The following SPDYE16 variants were observed in gnomAD, a reference collection of about 807,000 sequenced individuals.
SPDYE16 encodes speedy protein E16.
In SPDYE16, 5 loss-of-function variants were observed where a neutral mutation model predicts 40.1. That is an observed-to-expected ratio of 0.12 (90% CI 0.07 to 0.26). The LOEUF is 0.26. Ranked by LOEUF, SPDYE16 falls within the 10% of genes least tolerant of loss-of-function variation. The pLI is 1.00. For synonymous variants in SPDYE16, 40 were observed against 154.2 expected (o/e 0.26, Z 5.49); for missense variants, 98 against 409.8 (o/e 0.24, Z 6.57).
chr7:76,541,981 CGTACAAGAGTGAGATTATCAT>C (rs1584290195), intron 1 of SPDYE16, among the ~76,000 whole-genome samples, 101 bp from the exon 2 acceptor site: 1,608 of 69,466 alleles, frequency 0.023, no homozygotes, highest in African/African-American at 0.043. Flanking sequence ...GAGATTATCA[CGTACAAGAGTGAGATTATCAT>C]GTACAAGAGT....
chr7:76,537,140 T>A, intron 5 of SPDYE16, among the ~76,000 whole-genome samples: 1 of 40,186 alleles, frequency 2.5e-5, no homozygotes, highest in Admixed American at 2.5e-4. Flanking sequence ...TGAGGTCAGG[T>A]GTTCAGGACC....
Position 76,543,202 on chromosome 7 carries a change from C to G in SPDYE16, c.-448G>C, listed in dbSNP as rs1274642471. Among the ~76,000 whole-genome samples, 327 of 147,948 alleles carry G rather than the reference C, an allele frequency of 2.2e-3. No individual in the cohort carries two copies. Among genetic ancestry groups the G allele is most frequent in the Non-Finnish European group, 3.9e-3 (256 of 65,546 alleles). On this transcript the variant is annotated 5_prime_UTR_variant, in exon 1 of 9. An upstream open reading frame in the 5' UTR loses its in-frame stop. Coordinates refer to ENST00000633306, the MANE Select transcript of SPDYE16 (RefSeq NM_001394943.1). ...TGCGAGTGAGTTCCCACACGTTTTC[C>G]TAATGGGCTGCTGCTTTCCTAGGAG...
chr7:76,539,978 G>A, intron 3 of SPDYE16, 150 bp downstream of exon 3: 1 of 873,424 alleles, frequency 1.1e-6, no homozygotes, highest in Non-Finnish European at 1.7e-6. Context: ...TCTCCTAAGT[G>A]TCCCTCATGA....
chr7:76,536,537 G>A lies in SPDYE16; in HGVS notation c.670-280C>T, dbSNP rs1266321037. On this transcript the variant is annotated intron_variant, in intron 5 of 8. Coordinates refer to ENST00000633306, the MANE Select transcript of SPDYE16 (RefSeq NM_001394943.1). ...TGTCTAGGTCGGCTGGTGTCAGGAG[G>A]GTCTTTTGTGTGCCAGGCAGAGAAC... Among the ~76,000 whole-genome samples the A allele has an allele frequency of 1.5e-4, 15 of 99,362 alleles. No individual in the cohort carries two copies. In the South Asian group the frequency reaches 4.9e-3, roughly 32 times the overall value. The allele number at this position is 99,362 out of a possible 152,430, so 65.2% of individuals were successfully genotyped here.
In SPDYE16 at chr7:76,540,938, C is replaced by T. The variant is rs1031603480; in HGVS notation, c.160+362G>A. Among the ~76,000 whole-genome samples the T allele has an allele frequency of 1.2e-4, 18 of 145,048 alleles. 1 individual carries two copies. The highest frequency in any genetic ancestry group is 4.7e-4 in the African/African-American group (17 of 36,352). The stretch of plus-strand genomic sequence containing the variant: ...TTCCCACACACCCTCCTCAGGTTCT[C>T]CTTCCTGACCGCTGACCCTTCTTTT... On this transcript the variant is annotated intron_variant, in intron 2 of 8. Coordinates refer to ENST00000633306, the MANE Select transcript of SPDYE16 (RefSeq NM_001394943.1).
At chr7:76,534,704 G>T (rs1180946830) in intron 6 of SPDYE16, among the ~76,000 whole-genome samples, 1 of 145,872 alleles carries the variant, frequency 6.9e-6, no homozygotes, top group Non-Finnish European at 1.5e-5. Flanking sequence ...GCAGTGAGTC[G>T]AGATTGGGCC....
At position 76,541,953 on chromosome 7, in the gene SPDYE16, ATTATCAT is replaced by A. The variant is rs1444184334; in HGVS notation, c.-421-80_-421-74del. On this transcript the variant is annotated intron_variant, in intron 1 of 8. Coordinates refer to ENST00000633306, the MANE Select transcript of SPDYE16 (RefSeq NM_001394943.1). ...AACGATGAAACCTTATAAGAGTGAG[ATTATCAT>A]GTACAAGAGTGAGATTATCACGTAC... 4.5e-3 allele frequency among the ~76,000 whole-genome samples: 574 copies of A among 128,024 alleles called. 12 individuals carry two copies. Among genetic ancestry groups the A allele is most frequent in the Non-Finnish European group, 6.3e-3 (352 of 55,528 alleles). 84.0% of individuals were successfully genotyped at this position (128,024 alleles called of 152,430 possible). A position where few individuals can be genotyped will look rare whatever the true frequency, so the allele number is the denominator to read the frequency against.
intron 4 of SPDYE16, among the ~76,000 whole-genome samples, chr7:76,538,074 CTG>C (rs1319222829): frequency 1.1e-5 from 1 of 92,254 alleles, no homozygotes; most frequent in Non-Finnish European, 2.2e-5. Context: ...GAGTCTTGCT[CTG>C]TGGGCCAGGC....
intron 6 of SPDYE16, among the ~76,000 whole-genome samples, chr7:76,535,861 G>A (rs1174005554): frequency 2.3e-5 from 2 of 85,850 alleles, no homozygotes; most frequent in East Asian, 3.0e-4. Context: ...ACACCACCAC[G>A]CCCAGCTAAT....
At chr7:76,537,613 G>C in intron 4 of SPDYE16, 62 bp from the exon 5 acceptor site, 1 of 914,046 alleles carries the variant, frequency 1.1e-6, no homozygotes, top group East Asian at 3.4e-5. Flanking sequence ...GGAGCAGCAG[G>C]GCAGTGAGGA....
chr7:76,533,374 G>A (rs1812961333), intron 8 of SPDYE16: 1 of 640,540 alleles, frequency 1.6e-6, no homozygotes, highest in Non-Finnish European at 2.1e-6. Flanking sequence ...TTTTGAGGCA[G>A]GGTCTCACTC....
In SPDYE16 at chr7:76,537,337, C is replaced by T. The variant is rs1331748397; in HGVS notation, c.669+156G>A. Among the ~76,000 whole-genome samples, 230 of 30,268 alleles carry T rather than the reference C, an allele frequency of 7.6e-3. 1 individual carries two copies. Among genetic ancestry groups the T allele is most frequent in the East Asian group, 0.021 (29 of 1,406 alleles). 19.9% of individuals were successfully genotyped at this position (30,268 alleles called of 152,430 possible). A position where few individuals can be genotyped will look rare whatever the true frequency, so the allele number is the denominator to read the frequency against. On this transcript the variant is annotated intron_variant, in intron 5 of 8. Coordinates refer to ENST00000633306, the MANE Select transcript of SPDYE16 (RefSeq NM_001394943.1). Reference sequence around the variant, plus strand: ...CTCCAGCCTGGGCAACAGAGCAAGACTCTGTCTCACAAAAAAAAAAAAAAA... The same window carrying T: ...CTCCAGCCTGGGCAACAGAGCAAGATTCTGTCTCACAAAAAAAAAAAAAAA...
At chr7:76,536,531 C>A (rs1813043852) in intron 5 of SPDYE16, among the ~76,000 whole-genome samples, 2 of 98,688 alleles carry the variant, frequency 2.0e-5, no homozygotes, top group African/African-American at 1.0e-4. Flanking sequence ...CGGCTGGTGT[C>A]AGGAGGGTCT....
intron 2 of SPDYE16, among the ~76,000 whole-genome samples, chr7:76,540,974 C>CTTTT (rs1292373639): frequency 1.8e-5 from 2 of 113,430 alleles, no homozygotes; most frequent in African/African-American, 4.2e-5. Context: ...CTTTTCTTTT[C>CTTTT]TTTTTTTTTT....
At chr7:76,534,236 C>G in intron 6 of SPDYE16, 117 bp from the exon 7 acceptor site, 1 of 1,010,566 alleles carries the variant, frequency 9.9e-7, no homozygotes, top group Non-Finnish European at 1.4e-6. Context: ...TGGCACCCAC[C>G]CTGCAGAGAG....
Position 76,541,530 on chromosome 7 carries a change from A to C in SPDYE16, c.-71T>G, listed in dbSNP as rs565192566. ...ATTCTCAAGCCTAGGAGAAGTCAGGAGTGGAGAACAGCTCTGAGAAGATAC... is the reference window on the plus strand; with the variant it reads ...ATTCTCAAGCCTAGGAGAAGTCAGGCGTGGAGAACAGCTCTGAGAAGATAC... On this transcript the variant is annotated 5_prime_UTR_variant, in exon 2 of 9. Transcript: ENST00000633306. 1.8e-5 allele frequency: 27 copies of C among 1,530,542 alleles called. No individual in the cohort carries two copies. In the South Asian group the frequency reaches 2.6e-4, roughly 15 times the overall value. 94.8% of individuals were successfully genotyped at this position (1,530,542 alleles called of 1,614,324 possible). A position where few individuals can be genotyped will look rare whatever the true frequency, so the allele number is the denominator to read the frequency against.
At chr7:76,534,494 G>A (rs1426253928) in intron 6 of SPDYE16, among the ~76,000 whole-genome samples, 3 of 85,924 alleles carry the variant, frequency 3.5e-5, no homozygotes, top group Non-Finnish European at 7.0e-5. Context: ...GGTGGCTCAT[G>A]CCTGTAATAC....
chr7:76,536,616 CTG>C (rs911719461), intron 5 of SPDYE16, among the ~76,000 whole-genome samples: 2 of 108,642 alleles, frequency 1.8e-5, no homozygotes, highest in Admixed American at 1.7e-4. Flanking sequence ...TGCGGCCAGA[CTG>C]TGGCCCAGAG....
At chr7:76,541,117 T>C (rs964415086) in intron 2 of SPDYE16, among the ~76,000 whole-genome samples, 183 bp downstream of exon 2, 6 of 132,070 alleles carry the variant, frequency 4.5e-5, no homozygotes, top group African/African-American at 1.9e-4. Context: ...CTAATTTTTA[T>C]ACTTTTAGTA....
Sources: gnomAD v4.1 joint callset for allele counts (sites outside exome capture counted in the v4.1 genomes callset) on GRCh38, gnomAD v4.1.1 for gene constraint, MANE v1.5 for transcripts, NCBI Gene and HGNC (gene_info 2026-07-23, HGNC 2026-07-21) for gene names.